The following PPP2R5A variants were observed in gnomAD, a reference collection of about 807,000 sequenced individuals.
PPP2R5A encodes serine/threonine-protein phosphatase 2A 56 kDa regulatory subunit alpha isoform.
PPP2R5A carries 25 observed loss-of-function variants against 64.2 expected under a neutral mutation model. The observed-to-expected ratio is 0.39, with a 90% CI of 0.28 to 0.54. The LOEUF is 0.54. Ranked by LOEUF, PPP2R5A falls within the 20% of genes least tolerant of loss-of-function variation. The pLI is 0.67. For missense variants in PPP2R5A, 425 were observed against 576.3 expected, an observed-to-expected ratio of 0.74 and a Z score of 2.69; for synonymous variants, 198 against 201.2, an observed-to-expected ratio of 0.98 and a Z score of 0.13.
intron 6 of PPP2R5A, 55 bp from the exon 7 acceptor site, chr1:212,348,316 CTCATGGATATGACAGCTT>C: frequency 2.2e-6 from 2 of 914,964 alleles, no homozygotes; most frequent in Non-Finnish European, 3.6e-6. Context: ...TCCTTATGTA[CTCATGGATATGACAGCTT>C]TTAGAAACAA....
intron 12 of PPP2R5A, among the ~76,000 whole-genome samples, chr1:212,359,859 A>C (rs542028054): frequency 7.9e-5 from 12 of 152,300 alleles, no homozygotes; most frequent in African/African-American, 2.9e-4. Context: ...GATGACTAGG[A>C]TCATAGGAAA....
rs1658486085 is a variant in PPP2R5A, at chr1:212,285,928, G to C, written c.-183G>C. Reference sequence around the variant, plus strand: ...CCAGGAACCTCCAGCGCTGAGATGTGGCCGTGAGGCGTTGGCGGGCGGCGA... The same window carrying C: ...CCAGGAACCTCCAGCGCTGAGATGTCGCCGTGAGGCGTTGGCGGGCGGCGA... On this transcript the variant is annotated 5_prime_UTR_variant, in exon 1 of 13. Transcript: ENST00000261461. 1.9e-6 allele frequency: 1 copy of C among 521,518 alleles called. No homozygotes were observed. Among genetic ancestry groups the C allele is most frequent in the South Asian group, 4.3e-5 (1 of 23,264 alleles). 32.3% of individuals were successfully genotyped at this position (521,518 alleles called of 1,614,324 possible). A position where few individuals can be genotyped will look rare whatever the true frequency, so the allele number is the denominator to read the frequency against.
At chr1:212,295,541 C>A (rs1417657389) in intron 1 of PPP2R5A, among the ~76,000 whole-genome samples, 2 of 152,016 alleles carry the variant, frequency 1.3e-5, no homozygotes, top group Admixed American at 6.6e-5. Context: ...AGCAACTGCC[C>A]ACTGAAAATG....
chr1:212,340,462 G>A (rs1004542050), intron 3 of PPP2R5A, among the ~76,000 whole-genome samples: 1 of 152,196 alleles, frequency 6.6e-6, no homozygotes, highest in Non-Finnish European at 1.5e-5. Context: ...AATGAATTAA[G>A]TTGTGCCGTT....
chr1:212,357,363 C>G (rs1659996512), intron 11 of PPP2R5A, 79 bp downstream of exon 11: 1 of 1,285,730 alleles, frequency 7.8e-7, no homozygotes, highest in Admixed American at 3.3e-5. Context: ...CTAACTCATA[C>G]TTGAAACCTA....
At chr1:212,291,636 C>T (rs1239753239) in intron 1 of PPP2R5A, among the ~76,000 whole-genome samples, 1 of 152,220 alleles carries the variant, frequency 6.6e-6, no homozygotes, top group Non-Finnish European at 1.5e-5. Flanking sequence ...AGCCTATTAA[C>T]ATTTCCTGCC....
At chr1:212,348,556 C>A in intron 7 of PPP2R5A, 59 bp downstream of exon 7, 1 of 1,222,994 alleles carries the variant, frequency 8.2e-7, no homozygotes, top group Admixed American at 2.3e-5. Flanking sequence ...AATATAAAGG[C>A]AGAGAAATTG....
At chr1:212,322,011 C>T (rs1452040884) in intron 1 of PPP2R5A, among the ~76,000 whole-genome samples, 1 of 151,890 alleles carries the variant, frequency 6.6e-6, no homozygotes, top group Non-Finnish European at 1.5e-5. Context: ...CACAGCGAAA[C>T]CCCGTCTCCA....
chr1:212,309,016 T>TAC, intron 1 of PPP2R5A: 1 of 577,498 alleles, frequency 1.7e-6, no homozygotes. Context: ...GGTGAAAAGA[T>TAC]ATATATATAT....
intron 1 of PPP2R5A, among the ~76,000 whole-genome samples, chr1:212,302,783 A>C (rs549083336): frequency 1.3e-5 from 2 of 152,230 alleles, no homozygotes; most frequent in East Asian, 3.9e-4. Flanking sequence ...CCATTAATTT[A>C]CTTTCCGTCT....
intron 1 of PPP2R5A, among the ~76,000 whole-genome samples, chr1:212,300,061 G>C (rs2102414134): frequency 6.6e-6 from 1 of 152,262 alleles, no homozygotes; most frequent in East Asian, 1.9e-4. Flanking sequence ...TGATCTGCCT[G>C]CCTCTGCCTC....
chr1:212,359,055 T>C (rs1660035283), intron 12 of PPP2R5A, among the ~76,000 whole-genome samples: 1 of 152,246 alleles, frequency 6.6e-6, no homozygotes, highest in African/African-American at 2.4e-5. Context: ...TCTAAATGGT[T>C]AGATTATGAT....
chr1:212,302,384 T>C (rs1260963155), intron 1 of PPP2R5A, among the ~76,000 whole-genome samples: 2 of 152,214 alleles, frequency 1.3e-5, no homozygotes, highest in Non-Finnish European at 2.9e-5. Flanking sequence ...ATTAATCTAA[T>C]TTAGTATTAT....
At chr1:212,304,574 G>A (rs1658861191) in intron 1 of PPP2R5A, among the ~76,000 whole-genome samples, 1 of 151,850 alleles carries the variant, frequency 6.6e-6, no homozygotes, top group Admixed American at 6.6e-5. Flanking sequence ...AAAGAGATGG[G>A]GTCTCGCTAT....
chr1:212,321,387 C>T (rs1422695250), intron 1 of PPP2R5A, among the ~76,000 whole-genome samples: 1 of 151,850 alleles, frequency 6.6e-6, no homozygotes, highest in Non-Finnish European at 1.5e-5. Context: ...ACCTCCCTCC[C>T]AGACGGGGTG....
At chr1:212,297,818 T>TTTTTTCTTTTTTTTTA (rs1658727275) in intron 1 of PPP2R5A, 1 of 44,606 alleles carries the variant, frequency 2.2e-5, no homozygotes, top group East Asian at 4.7e-4. Flanking sequence ...TGTTTTTTTT[T>TTTTTTCTTTTTTTTTA]TTTTTTCTTT....
intron 2 of PPP2R5A, among the ~76,000 whole-genome samples, chr1:212,331,167 CAAAAA>C (rs10712005): frequency 2.7e-5 from 3 of 112,154 alleles, no homozygotes; most frequent in African/African-American, 3.4e-5. Flanking sequence ...GACCTTGTCT[CAAAAA>C]AAAAAAAAAA....
At chr1:212,320,942 A>ACC (rs577125419) in intron 1 of PPP2R5A, among the ~76,000 whole-genome samples, 1 of 59,424 alleles carries the variant, frequency 1.7e-5, no homozygotes. Flanking sequence ...CGGGGGGCTG[A>ACC]CCCCCCCGCC....
At chr1:212,324,326 C>T (rs977661963) in intron 1 of PPP2R5A, among the ~76,000 whole-genome samples, 1 of 152,092 alleles carries the variant, frequency 6.6e-6, no homozygotes, top group Non-Finnish European at 1.5e-5. Context: ...AGAAAAGGTA[C>T]AGTAAAAATA....
Sources: allele counts gnomAD v4.1 joint callset (sites outside exome capture counted in the v4.1 genomes callset), GRCh38; gene constraint gnomAD v4.1.1; transcripts MANE v1.5; gene names NCBI Gene and HGNC (gene_info 2026-07-23, HGNC 2026-07-21).